Variants in MAP1B observed in about 807,000 individuals in gnomAD.
The protein encoded by MAP1B is microtubule associated protein 1B, also known as microtubule-associated protein 1B.
A neutral mutation model predicts 176.1 loss-of-function variants in MAP1B; 12 were observed. The observed-to-expected ratio is 0.07, with a 90% CI of 0.04 to 0.11. The LOEUF is 0.11. MAP1B is among the 10% of genes least tolerant of loss of function. The pLI is 1.00. For missense variants in MAP1B, 2,523 were observed against 2,990.5 expected (o/e 0.84, Z 3.65); for synonymous variants, 1,044 against 1,135.0 (o/e 0.92, Z 1.61).
chr5:72,205,569 GC>G lies in MAP1B; in HGVS notation c.*331del, dbSNP rs1747429534. 4.7e-6 allele frequency: 1 copy of G among 213,602 alleles called. No homozygotes were observed. The highest frequency in any genetic ancestry group is 9.4e-6 in the Non-Finnish European group (1 of 105,894). 13.2% of individuals were successfully genotyped at this position (213,602 alleles called of 1,614,324 possible). A position where few individuals can be genotyped will look rare whatever the true frequency, so the allele number is the denominator to read the frequency against. ...CATTTGTCTTAGAGAGAGAGAGAGC[GC>G]GGGAGAGAGTGAGAGAGAGTGAGAG... On this transcript the variant is annotated 3_prime_UTR_variant, in exon 7 of 7. Transcript: ENST00000296755.
rs915447358 is a variant in MAP1B, at chr5:72,198,349, A to G, written c.4994A>G (p.Gln1665Arg). 4 of 1,614,118 alleles carry G rather than the reference A, an allele frequency of 2.5e-6. No individual in the cohort carries two copies. Among genetic ancestry groups the G allele is most frequent in the Non-Finnish European group, 3.4e-6 (4 of 1,180,046 alleles). Reference sequence around the variant, plus strand: ...TCCCTTGCTATGGACTTCAGTCGACAGTCTCCAGATCACCCTACAGTGGGT... The same window carrying G: ...TCCCTTGCTATGGACTTCAGTCGACGGTCTCCAGATCACCCTACAGTGGGT... ...EQSLAMDFSR[Q>R]SPDHPTVGAG... Residue 1665 changes from glutamine (Q) to arginine (R), a missense_variant, in exon 5 of 7, where the codon CAG becomes CGG. By Grantham distance (43) the Gln-to-Arg change is conservative (BLOSUM62 1). Coordinates refer to ENST00000296755, the MANE Select transcript of MAP1B (RefSeq NM_005909.5).
At chr5:72,118,990 A>T (rs965779183) in intron 2 of MAP1B, among the ~76,000 whole-genome samples, 26 of 152,198 alleles carry the variant, frequency 1.7e-4, no homozygotes, top group African/African-American at 6.3e-4. Flanking sequence ...TTTATCCCTT[A>T]TACTAGTTTT....
intron 2 of MAP1B, among the ~76,000 whole-genome samples, chr5:72,126,361 A>G (rs540169214): frequency 6.0e-4 from 92 of 152,364 alleles, no homozygotes; most frequent in African/African-American, 2.1e-3. Context: ...CAAAACATTA[A>G]TAGTCAGTGG....
chr5:72,203,533 C>A, intron 5 of MAP1B, 30 bp from the exon 6 acceptor site: 2 of 1,529,540 alleles, frequency 1.3e-6, no homozygotes, highest in Non-Finnish European at 1.8e-6. Flanking sequence ...CTTGCTATGA[C>A]CTTGCTTTGT....
At chr5:72,133,070 C>G (rs902265400) in intron 2 of MAP1B, among the ~76,000 whole-genome samples, 7 of 152,116 alleles carry the variant, frequency 4.6e-5, no homozygotes, top group Admixed American at 6.5e-5. Context: ...GTCCATGGTC[C>G]CTGAGCAGCC....
chr5:72,169,641 G>C (rs1391358425), intron 2 of MAP1B: 3 of 154,346 alleles, frequency 1.9e-5, no homozygotes, highest in Admixed American at 1.3e-4. Flanking sequence ...ATAGGTGGAA[G>C]GCTCGGATCT....
chr5:72,200,192 A>G lies in MAP1B; in HGVS notation c.6837A>G (p.Glu2279=), dbSNP rs1006701721. The G allele has an allele frequency of 1.2e-6, 2 of 1,614,248 alleles. No individual in the cohort carries two copies. The highest frequency in any genetic ancestry group is 2.7e-5 in the African/African-American group (2 of 75,064). The change falls in exon 5 of 7, where the codon GAA becomes GAG. Residue 2279 remains glutamate, a synonymous_variant. Transcript: ENST00000296755. ...AASPKPAGLK[E]SSDKVSRVAS... The stretch of plus-strand genomic sequence containing the variant: ...CACCAAAACCAGCGGGCTTGAAAGA[A>G]TCCTCGGATAAAGTGTCCAGGGTGG...
chr5:72,187,111 C>T (rs1176221812), intron 4 of MAP1B, among the ~76,000 whole-genome samples: 1 of 152,206 alleles, frequency 6.6e-6, no homozygotes, highest in Non-Finnish European at 1.5e-5. Context: ...ATATCTGGGG[C>T]TTTTGGCACC....
chr5:72,155,492 A>G (rs1243363400), intron 2 of MAP1B, among the ~76,000 whole-genome samples: 4 of 152,230 alleles, frequency 2.6e-5, no homozygotes, highest in African/African-American at 9.6e-5. Flanking sequence ...TAAATGAAAA[A>G]TATAGCAGGA....
rs186205044 is a variant in MAP1B, at chr5:72,145,110, A to G, written c.286+29311A>G. On this transcript the variant is annotated intron_variant, in intron 2 of 6. Transcript: ENST00000296755. The stretch of plus-strand genomic sequence containing the variant: ...TCAGTTCAGTTTGTTAATAGTTTTT[A>G]AGAACTACCTTTGTGCAGATTTGTT... Among the ~76,000 whole-genome samples, 791 of 152,286 alleles carry G rather than the reference A, an allele frequency of 5.2e-3. 4 individuals carry two copies. The highest frequency in any genetic ancestry group is 8.6e-3 in the Non-Finnish European group (582 of 68,018).
intron 2 of MAP1B, among the ~76,000 whole-genome samples, chr5:72,158,532 G>A (rs1355993342): frequency 6.6e-6 from 1 of 152,192 alleles, no homozygotes; most frequent in Non-Finnish European, 1.5e-5. Flanking sequence ...GGTTGAAGGG[G>A]AAGGAAGTTT....
At chr5:72,202,470 G>C (rs1268534016) in intron 5 of MAP1B, among the ~76,000 whole-genome samples, 1 of 152,210 alleles carries the variant, frequency 6.6e-6, no homozygotes, top group Admixed American at 6.5e-5. Context: ...ACAGTTGATA[G>C]AATTAGCTGG....
At chr5:72,158,034 G>T (rs1168339101) in intron 2 of MAP1B, among the ~76,000 whole-genome samples, 1 of 140,032 alleles carries the variant, frequency 7.1e-6, no homozygotes, top group African/African-American at 2.7e-5. Flanking sequence ...TTTTGAGATG[G>T]AGTCTCGCGT....
chr5:72,196,552 C>T lies in MAP1B; in HGVS notation c.3197C>T (p.Thr1066Ile). 2 of 1,613,772 alleles carry T rather than the reference C, an allele frequency of 1.2e-6. No homozygotes were observed. Among genetic ancestry groups the T allele is most frequent in the East Asian group, 2.2e-5 (1 of 44,882 alleles). Residue 1066 changes from threonine to isoleucine, a missense_variant, in exon 5 of 7, where the codon ACC (threonine) becomes ATC (isoleucine). Coordinates refer to ENST00000296755, the MANE Select transcript of MAP1B (RefSeq NM_005909.5). This position sits in a 1 kb window ranked among gnomAD's most constrained non-coding sequence, Gnocchi z 5.3. The stretch of plus-strand genomic sequence containing the variant: ...GCCGAGGAGCAGTATGGATTCCTCA[C>T]CACACCAACCAAGCAACTAGGAGCC... ...GGAEEQYGFL[T>I]TPTKQLGAQS...
Position 72,194,411 on chromosome 5 carries a change from T to C in MAP1B, c.1056T>C (p.Pro352=). 1 of 1,614,150 alleles carries C rather than the reference T, an allele frequency of 6.2e-7. No homozygotes were observed. The highest frequency in any genetic ancestry group is 8.5e-7 in the Non-Finnish European group (1 of 1,180,034). Residue 352 remains proline, a synonymous_variant, in exon 5 of 7, where the codon CCT becomes CCC. Transcript: ENST00000296755. The surrounding 1 kb of genome is among the most constrained non-coding windows in gnomAD (Gnocchi z 7.2). ...ACTGGATGAAAAACCTCATCTCCCC[T>C]GACTTAGGAGTTGTATTTCTCAATG... ...NSDWMKNLIS[P]DLGVVFLNVP...
chr5:72,164,705 G>T (rs1746393171), intron 2 of MAP1B, among the ~76,000 whole-genome samples: 1 of 152,118 alleles, frequency 6.6e-6, no homozygotes, highest in African/African-American at 2.4e-5. Context: ...GAGGTGGGTG[G>T]GACCTCAGTT....
rs1404773010 is a variant in MAP1B, at chr5:72,197,831, G to C, written c.4476G>C (p.Leu1492=). Reference sequence around the variant, plus strand: ...TGAGTTCTCAACCAGCACTGGCTCTGGATGAAAGGAAATTAGGAGATGTTT... The same window carrying C: ...TGAGTTCTCAACCAGCACTGGCTCTCGATGAAAGGAAATTAGGAGATGTTT... ...EAMSSQPALA[L]DERKLGDVSP... Residue 1492 remains leucine (L), a synonymous_variant, in exon 5 of 7, where the codon CTG becomes CTC. Coordinates refer to ENST00000296755, the MANE Select transcript of MAP1B (RefSeq NM_005909.5). The C allele has an allele frequency of 3.7e-6, 6 of 1,614,094 alleles. No homozygotes were observed. Among genetic ancestry groups the C allele is most frequent in the Non-Finnish European group, 5.1e-6 (6 of 1,180,042 alleles).
At chr5:72,137,958 G>C (rs1413148284) in intron 2 of MAP1B, among the ~76,000 whole-genome samples, 1 of 152,132 alleles carries the variant, frequency 6.6e-6, no homozygotes, top group East Asian at 1.9e-4. Flanking sequence ...GAAACATGAA[G>C]AATTATCAAC....
At chr5:72,127,769 A>T (rs1745656392) in intron 2 of MAP1B, among the ~76,000 whole-genome samples, 2 of 152,246 alleles carry the variant, frequency 1.3e-5, no homozygotes, top group Non-Finnish European at 2.9e-5. Context: ...ATTCTAGCTA[A>T]TTGAGAGTTG....
Sources: gnomAD v4.1 joint callset for allele counts (sites outside exome capture counted in the v4.1 genomes callset) on GRCh38, gnomAD v4.1.1 for gene constraint, Gnocchi (gnomAD v3.1) non-coding constraint, MANE v1.5 for transcripts, NCBI Gene and HGNC (gene_info 2026-07-23, HGNC 2026-07-21) for gene names.